Variants in MGAT3 observed in about 807,000 individuals in gnomAD.
MGAT3 encodes the protein beta-1,4-mannosyl-glycoprotein 4-beta-N-acetylglucosaminyltransferase.
MGAT3 carries 9 observed loss-of-function variants against 29.8 expected under a neutral mutation model. That is an observed-to-expected ratio of 0.30 (90% CI 0.18 to 0.53). The LOEUF is 0.53. Among genes scored for constraint, MGAT3 ranks in the 20% least tolerant of loss-of-function variants. MGAT3 has a pLI of 0.96. For synonymous variants in MGAT3, 397 were observed against 348.9 expected (o/e 1.14, Z -1.54); for missense variants, 557 against 769.5 (o/e 0.72, Z 3.27).
Position 39,488,091 on chromosome 22 carries a change from G to T in MGAT3, c.744G>T (p.Pro248=). The change falls in exon 2 of 2, where the codon CCG becomes CCT. Residue 248 remains proline, a synonymous_variant. Transcript: ENST00000341184. ...CESNFTAYGE[P]RPLKFREMLT... is the part of the protein sequence containing the mutation. ...CCAACTTCACGGCTTATGGGGAGCC[G>T]CGGCCGCTCAAGTTCCGGGAGATGC... 3.1e-6 allele frequency: 5 copies of T among 1,612,224 alleles called. No individual in the cohort carries two copies. The highest frequency in any genetic ancestry group is 4.2e-6 in the Non-Finnish European group (5 of 1,179,124).
In MGAT3 at chr22:39,457,981, AC is replaced by A. The variant is rs1277382036; in HGVS notation, c.-2+429del. 2.6e-5 allele frequency among the ~76,000 whole-genome samples: 4 copies of A among 151,132 alleles called. No individual in the cohort carries two copies. The highest frequency in any genetic ancestry group is 9.7e-5 in the African/African-American group (4 of 41,082). On this transcript the variant is annotated intron_variant, in intron 1 of 1. Transcript: ENST00000341184. This position sits in a 1 kb window ranked among gnomAD's most constrained non-coding sequence, Gnocchi z 6.8. ...GGAGGCCTCCGCGCCCGCCTTCCCC[AC>A]CCCCGACCCCAGACTGCGGCGGCGG...
At position 39,457,148 on chromosome 22, in the gene MGAT3, GA is replaced by G. The variant is rs1289515217; in HGVS notation, c.-410del. On this transcript the variant is annotated 5_prime_UTR_variant, in exon 1 of 2. Transcript: ENST00000341184. This position sits in a 1 kb window ranked among gnomAD's most constrained non-coding sequence, Gnocchi z 6.8. ...GCGGAGCCCGGCTGGCGGGGGAGGG[GA>G]GGGGGTTGCGGAGGGGGCGGGGTGG... 1.4e-5 allele frequency among the ~76,000 whole-genome samples: 2 copies of G among 145,874 alleles called. No individual in the cohort carries two copies. The highest frequency in any genetic ancestry group is 3.0e-5 in the Non-Finnish European group (2 of 65,648).
chr22:39,489,159 G>A lies in MGAT3; in HGVS notation c.*210G>A, dbSNP rs1456850095. ...AATATCCCTCCTGTTGGGAGAGGGC[G>A]CAGGCCGTGACGTCTGGGTGGCCCT... On this transcript the variant is annotated 3_prime_UTR_variant, in exon 2 of 2. Coordinates refer to ENST00000341184, the MANE Select transcript of MGAT3 (RefSeq NM_002409.5). 8 of 730,412 alleles carry A rather than the reference G, an allele frequency of 1.1e-5. No individual in the cohort carries two copies. Among genetic ancestry groups the A allele is most frequent in the Non-Finnish European group, 1.8e-5 (8 of 445,042 alleles). The allele number at this position is 730,412 out of a possible 1,614,324, so 45.2% of individuals were successfully genotyped here.
chr22:39,487,267 G>T lies in MGAT3; in HGVS notation c.-1-80G>T. ...CACCACATTGTCCAGCAAGGTGGCA[G>T]CAGAGGCCTCCTAGGTCCCCTTCCT... On this transcript the variant is annotated intron_variant, in intron 1 of 1. Transcript: ENST00000341184. This position sits in a 1 kb window ranked among gnomAD's most constrained non-coding sequence, Gnocchi z 5.7. 7.0e-7 allele frequency: 1 copy of T among 1,435,532 alleles called. No homozygotes were observed. 88.9% of individuals were successfully genotyped at this position (1,435,532 alleles called of 1,614,324 possible).
At chr22:39,468,175 G>A (rs1275095082) in intron 1 of MGAT3, among the ~76,000 whole-genome samples, 2 of 152,194 alleles carry the variant, frequency 1.3e-5, no homozygotes, top group African/African-American at 4.8e-5. Flanking sequence ...TGCTCTGTCA[G>A]GACCACCCCC....
chr22:39,491,482 CT>C lies in MGAT3; in HGVS notation c.*2534del, dbSNP rs1271556724. The C allele has an allele frequency of 6.0e-6, 1 of 167,112 alleles. No homozygotes were observed. Among genetic ancestry groups the C allele is most frequent in the Non-Finnish European group, 1.5e-5 (1 of 68,266 alleles). The allele number at this position is 167,112 out of a possible 1,614,324, so 10.4% of individuals were successfully genotyped here. A position where few individuals can be genotyped will look rare whatever the true frequency, so the allele number is the denominator to read the frequency against. On this transcript the variant is annotated 3_prime_UTR_variant, in exon 2 of 2. Transcript: ENST00000341184. The surrounding 1 kb of genome is among the most constrained non-coding windows in gnomAD (Gnocchi z 5.5). ...TGGCAGCTTTCCCACCCCCACGCCCCTGGCATCCTCAGTTGCTATGGGATGC... is the reference window on the plus strand; with the variant it reads ...TGGCAGCTTTCCCACCCCCACGCCCCGGCATCCTCAGTTGCTATGGGATGC...
chr22:39,472,018 G>A (rs963779003), intron 1 of MGAT3, among the ~76,000 whole-genome samples: 1 of 152,110 alleles, frequency 6.6e-6, no homozygotes, highest in East Asian at 1.9e-4. Context: ...AAAGCTCCCC[G>A]GCAGCAGGAA....
At chr22:39,465,051 G>A (rs1010795859) in intron 1 of MGAT3, among the ~76,000 whole-genome samples, 3 of 152,084 alleles carry the variant, frequency 2.0e-5, no homozygotes, top group Non-Finnish European at 2.9e-5. Context: ...CACCACGCCC[G>A]GCCTCTGTCA....
At chr22:39,470,076 G>A (rs192410167) in intron 1 of MGAT3, among the ~76,000 whole-genome samples, 45 of 152,370 alleles carry the variant, frequency 3.0e-4, no homozygotes, top group African/African-American at 1.1e-3. Flanking sequence ...CTCCAGGGCT[G>A]ACTTTGTCCT....
intron 1 of MGAT3, among the ~76,000 whole-genome samples, chr22:39,462,609 G>A (rs1331074271): frequency 6.6e-6 from 1 of 152,216 alleles, no homozygotes; most frequent in Non-Finnish European, 1.5e-5. Context: ...TGAGGCTTCG[G>A]GAAGGGGCGG....
intron 1 of MGAT3, among the ~76,000 whole-genome samples, chr22:39,474,294 G>T (rs145727093): frequency 2.8e-3 from 428 of 152,292 alleles, no homozygotes; most frequent in African/African-American, 9.9e-3. Context: ...GGAGAGCCCT[G>T]TGACCTGAAA....
chr22:39,465,939 A>G (rs1414613655), intron 1 of MGAT3, among the ~76,000 whole-genome samples: 1 of 151,884 alleles, frequency 6.6e-6, no homozygotes. Flanking sequence ...CTTAAAAAAA[A>G]AAAAAAAAAG....
chr22:39,482,110 C>T (rs1404470254), intron 1 of MGAT3, among the ~76,000 whole-genome samples: 1 of 151,486 alleles, frequency 6.6e-6, no homozygotes, highest in East Asian at 1.9e-4. Context: ...CATAGTAGTT[C>T]TGCATGCCTG....
At chr22:39,486,143 AAT>A (rs1491188013) in intron 1 of MGAT3, 17 of 357,720 alleles carry the variant, frequency 4.8e-5, no homozygotes, top group East Asian at 9.5e-5. Flanking sequence ...ATAGACCTCA[AAT>A]TTTTTTTTTT....
intron 1 of MGAT3, among the ~76,000 whole-genome samples, chr22:39,469,746 G>A (rs1049074989): frequency 1.3e-5 from 2 of 152,218 alleles, no homozygotes; most frequent in Non-Finnish European, 2.9e-5. Context: ...CGCTCAGCCC[G>A]CCAGGCTGGA....
At position 39,489,026 on chromosome 22, in the gene MGAT3, G is replaced by T. The variant is rs62230588; in HGVS notation, c.*77G>T. The T allele has an allele frequency of 2.0e-6, 3 of 1,471,314 alleles. No individual in the cohort carries two copies. The highest frequency in any genetic ancestry group is 2.7e-6 in the Non-Finnish European group (3 of 1,108,992). 91.1% of individuals were successfully genotyped at this position (1,471,314 alleles called of 1,614,324 possible). On this transcript the variant is annotated 3_prime_UTR_variant, in exon 2 of 2. Coordinates refer to ENST00000341184, the MANE Select transcript of MGAT3 (RefSeq NM_002409.5). The stretch of plus-strand genomic sequence containing the variant: ...TAGCGCTATCTCCCTGCCTCCTGCC[G>T]GCTCCTTGGTTCTTGAGGGGACCAG...
intron 1 of MGAT3, among the ~76,000 whole-genome samples, chr22:39,479,185 TA>T (rs374077781): frequency 8.2e-4 from 125 of 152,214 alleles, no homozygotes; most frequent in African/African-American, 3.0e-3. Flanking sequence ...AAAAAATGTT[TA>T]AAAAATCAGC....
At chr22:39,473,872 T>G (rs1349990064) in intron 1 of MGAT3, among the ~76,000 whole-genome samples, 1 of 151,386 alleles carries the variant, frequency 6.6e-6, no homozygotes, top group Non-Finnish European at 1.5e-5. Flanking sequence ...TGGAGGTGTG[T>G]GGGCAGGGGG....
At chr22:39,469,737 G>A (rs577499053) in intron 1 of MGAT3, among the ~76,000 whole-genome samples, 11 of 152,234 alleles carry the variant, frequency 7.2e-5, no homozygotes, top group African/African-American at 2.4e-4. Flanking sequence ...CCCCCGCTCC[G>A]CTCAGCCCGC....
Sources: gnomAD v4.1 joint callset for allele counts (sites outside exome capture counted in the v4.1 genomes callset) on GRCh38, gnomAD v4.1.1 for gene constraint, Gnocchi (gnomAD v3.1) non-coding constraint, MANE v1.5 for transcripts, NCBI Gene and HGNC (gene_info 2026-07-23, HGNC 2026-07-21) for gene names.